NUBPL: variants seen among roughly 807,000 people sequenced by gnomAD.
The protein encoded by NUBPL is iron-sulfur cluster transfer protein NUBPL.
In NUBPL, 31 loss-of-function variants were observed where a neutral mutation model predicts 45.7. The observed-to-expected ratio is 0.68, with a 90% CI of 0.51 to 0.92. The LOEUF (loss-of-function observed/expected upper bound fraction) is 0.92. Ranked by LOEUF, NUBPL falls within the 40% of genes least tolerant of loss-of-function variation. The pLI is 0.00. For missense variants in NUBPL, 401 were observed against 398.7 expected (o/e 1.01, Z -0.05); for synonymous variants, 144 against 140.9 (o/e 1.02, Z -0.15).
chr14:31,681,474 G>T (rs2036831462), intron 6 of NUBPL, among the ~76,000 whole-genome samples: 1 of 106,182 alleles, frequency 9.4e-6, no homozygotes, highest in African/African-American at 2.6e-5. Flanking sequence ...AAACTTTACT[G>T]GTTTTTTTTT....
chr14:31,596,198 C>G (rs956860705), intron 3 of NUBPL, among the ~76,000 whole-genome samples: 1 of 152,014 alleles, frequency 6.6e-6, no homozygotes, highest in Non-Finnish European at 1.5e-5. Flanking sequence ...CCACCGCGCC[C>G]GGCCTGGACA....
chr14:31,634,474 A>C (rs1456902570), intron 4 of NUBPL, among the ~76,000 whole-genome samples: 1 of 151,670 alleles, frequency 6.6e-6, no homozygotes, highest in Non-Finnish European at 1.5e-5. Flanking sequence ...ACATTTTCTT[A>C]ATCCAGTCTA....
chr14:31,733,868 A>G (rs1422500296), intron 6 of NUBPL, among the ~76,000 whole-genome samples: 1 of 152,218 alleles, frequency 6.6e-6, no homozygotes, highest in Non-Finnish European at 1.5e-5. Context: ...AAAAGCATTT[A>G]ATGTCCCATG....
At chr14:31,573,899 T>A (rs1281935994) in intron 3 of NUBPL, among the ~76,000 whole-genome samples, 2 of 152,184 alleles carry the variant, frequency 1.3e-5, no homozygotes, top group Admixed American at 1.3e-4. Context: ...TTCCTTTTTT[T>A]AATCCTTGGT....
intron 6 of NUBPL, among the ~76,000 whole-genome samples, chr14:31,720,391 GTCT>G (rs753767871): frequency 7.2e-5 from 11 of 152,236 alleles, no homozygotes; most frequent in Non-Finnish European, 1.2e-4. Context: ...TGGTTTTAAA[GTCT>G]TTGATATTTT....
chr14:31,578,412 T>C (rs2033773515), intron 3 of NUBPL, among the ~76,000 whole-genome samples: 1 of 152,220 alleles, frequency 6.6e-6, no homozygotes, highest in African/African-American at 2.4e-5. Flanking sequence ...GTGACAGATT[T>C]CATTCCAGCC....
chr14:31,790,787 C>A (rs2039367165), intron 7 of NUBPL, among the ~76,000 whole-genome samples: 2 of 151,918 alleles, frequency 1.3e-5, no homozygotes, highest in Admixed American at 1.3e-4. Flanking sequence ...GGAGGTGGAG[C>A]TTGCAGTGAG....
chr14:31,841,157 A>G (rs1240323692), intron 8 of NUBPL, among the ~76,000 whole-genome samples: 3 of 152,160 alleles, frequency 2.0e-5, no homozygotes, highest in Non-Finnish European at 2.9e-5. Flanking sequence ...ACATTGTTGG[A>G]CATGTCTTTT....
intron 7 of NUBPL, among the ~76,000 whole-genome samples, chr14:31,816,470 GA>G (rs2039918812): frequency 6.6e-6 from 1 of 151,460 alleles, no homozygotes. Context: ...TTAATCCTTT[GA>G]AAAAATCAGC....
At chr14:31,711,405 G>A (rs537953531) in intron 6 of NUBPL, among the ~76,000 whole-genome samples, 1 of 152,194 alleles carries the variant, frequency 6.6e-6, no homozygotes, top group East Asian at 1.9e-4. Context: ...GAATTCTAAG[G>A]AGAAACAGGA....
intron 7 of NUBPL, among the ~76,000 whole-genome samples, chr14:31,804,418 GAT>G: frequency 6.6e-6 from 1 of 152,110 alleles, no homozygotes; most frequent in South Asian, 2.1e-4. Flanking sequence ...AGCTTCCCCA[GAT>G]GATTCTTATT....
At chr14:31,842,088 G>T (rs1378621872) in intron 8 of NUBPL, among the ~76,000 whole-genome samples, 2 of 151,046 alleles carry the variant, frequency 1.3e-5, no homozygotes, top group African/African-American at 4.9e-5. Context: ...CCGCCACCAC[G>T]CCCAGCTAAT....
chr14:31,648,862 G>T (rs1393507178), intron 4 of NUBPL, among the ~76,000 whole-genome samples: 2 of 152,194 alleles, frequency 1.3e-5, no homozygotes, highest in African/African-American at 2.4e-5. Context: ...AGGCTGGAGC[G>T]CAGTGGTGCT....
At chr14:31,824,128 A>G (rs1291598950) in intron 7 of NUBPL, among the ~76,000 whole-genome samples, 1 of 152,132 alleles carries the variant, frequency 6.6e-6, no homozygotes, top group African/African-American at 2.4e-5. Flanking sequence ...CATTTATTGA[A>G]TGTTAGGCAT....
chr14:31,805,407 A>G (rs774671384), intron 7 of NUBPL, among the ~76,000 whole-genome samples: 8 of 152,224 alleles, frequency 5.3e-5, no homozygotes, highest in South Asian at 2.1e-4. Context: ...TAGCAGTCCC[A>G]TTACTGGGAG....
intron 6 of NUBPL, among the ~76,000 whole-genome samples, chr14:31,737,928 T>C (rs2038198863): frequency 6.6e-6 from 1 of 152,240 alleles, no homozygotes; most frequent in Non-Finnish European, 1.5e-5. Flanking sequence ...TTATTTATTC[T>C]TTCTTTGGAA....
chr14:31,761,054 G>A (rs942499814), intron 6 of NUBPL, among the ~76,000 whole-genome samples: 7 of 152,104 alleles, frequency 4.6e-5, no homozygotes, highest in Non-Finnish European at 8.8e-5. Flanking sequence ...TTGTTACCAA[G>A]ATATTTGAAA....
chr14:31,670,133 C>G (rs2036538234), intron 4 of NUBPL, among the ~76,000 whole-genome samples: 2 of 152,202 alleles, frequency 1.3e-5, no homozygotes, highest in South Asian at 4.1e-4. Flanking sequence ...CGTAACATTG[C>G]CAACATCTGT....
At chr14:31,788,299 A>C (rs978626720) in intron 7 of NUBPL, among the ~76,000 whole-genome samples, 6 of 152,230 alleles carry the variant, frequency 3.9e-5, no homozygotes, top group Non-Finnish European at 8.8e-5. Flanking sequence ...GGGCTGCTGG[A>C]AAGAAAATGA....
Sources: gnomAD v4.1 joint callset for allele counts (sites outside exome capture counted in the v4.1 genomes callset) on GRCh38, gnomAD v4.1.1 for gene constraint, MANE v1.5 for transcripts, NCBI Gene and HGNC (gene_info 2026-07-23, HGNC 2026-07-21) for gene names.